ACACA: variants seen among roughly 807,000 people sequenced by gnomAD.
ACACA encodes acetyl-CoA carboxylase 1.
Under a neutral mutation model 296.1 loss-of-function variants are expected in ACACA, and 103 were observed. The observed-to-expected ratio is 0.35, with a 90% CI of 0.30 to 0.41. The LOEUF (loss-of-function observed/expected upper bound fraction) is 0.41, where lower values mean the gene tolerates loss of function less well. Among genes scored for constraint, ACACA ranks in the 10% least tolerant of loss-of-function variants. ACACA has a pLI of 1.00. For missense variants in ACACA, 1,554 were observed against 2,989.7 expected (o/e 0.52, Z 11.20); for synonymous variants, 953 against 1,038.6 (o/e 0.92, Z 1.58).
chr17:37,153,615 GA>G (rs1376086863), intron 43 of ACACA, among the ~76,000 whole-genome samples: 6 of 152,204 alleles, frequency 3.9e-5, no homozygotes, highest in African/African-American at 1.4e-4. Flanking sequence ...TCATTAGTAA[GA>G]AACTGTAATT....
intron 11 of ACACA, among the ~76,000 whole-genome samples, chr17:37,260,283 TATATATATATATA>T (rs1305439488): frequency 0.011 from 430 of 38,676 alleles, 8 homozygotes; most frequent in East Asian, 0.042. Flanking sequence ...TATATATATA[TATATATATATATA>T]TTTTTTTTTT....
intron 29 of ACACA, among the ~76,000 whole-genome samples, chr17:37,217,201 T>C (rs2079040340): frequency 2.1e-5 from 3 of 139,892 alleles, no homozygotes; most frequent in Admixed American, 7.8e-5. Context: ...GCAGAGGTTG[T>C]GTTGAGCCAA....
chr17:37,263,026 G>T (rs983054074), intron 11 of ACACA, among the ~76,000 whole-genome samples: 1 of 152,078 alleles, frequency 6.6e-6, no homozygotes, highest in Non-Finnish European at 1.5e-5. Flanking sequence ...CACCATGCCC[G>T]GCCAAGCCAC....
Position 37,259,236 on chromosome 17 carries a change from G to A in ACACA, c.1500+124C>T. The A allele has an allele frequency of 2.7e-6, 3 of 1,117,816 alleles. 1 individual carries two copies. The highest frequency in any genetic ancestry group is 2.5e-5 in the South Asian group (2 of 80,604). The allele number at this position is 1,117,816 out of a possible 1,614,324, so 69.2% of individuals were successfully genotyped here. On this transcript the variant is annotated intron_variant, in intron 12 of 55. Transcript: ENST00000616317. ...CATGCATAACACATACAGGGTGAAA[G>A]AGAAATGACCATTAGGTGTGACTCA...
intron 3 of ACACA, among the ~76,000 whole-genome samples, chr17:37,294,501 A>T (rs78526502): frequency 0.021 from 3,148 of 152,314 alleles, 115 homozygotes; most frequent in East Asian, 0.14. Flanking sequence ...ATCGCTTTTA[A>T]CTGGGAATCT....
At position 37,248,163 on chromosome 17, in the gene ACACA, G is replaced by A. The variant is rs964528789; in HGVS notation, c.2164-7C>T. On this transcript the variant is annotated splice_polypyrimidine_tract_variant and splice_region_variant and intron_variant, in intron 17 of 55. Coordinates refer to ENST00000616317, the MANE Select transcript of ACACA (RefSeq NM_198834.3). ...TGGGGGACTGTCGAGTCACCTGTAG[G>A]GAATGAGAATGAGGATCAGTGTGTC... 3.1e-6 allele frequency: 5 copies of A among 1,613,898 alleles called. No individual in the cohort carries two copies. Among genetic ancestry groups the A allele is most frequent in the Admixed American group, 3.3e-5 (2 of 60,002 alleles).
intron 11 of ACACA, among the ~76,000 whole-genome samples, chr17:37,260,292 ATATATT>A (rs1266057243): frequency 9.1e-4 from 15 of 16,482 alleles, no homozygotes; most frequent in East Asian, 5.0e-3. Context: ...ATATATATAT[ATATATT>A]TTTTTTTTTT....
chr17:37,130,204 T>C lies in ACACA; in HGVS notation c.5694A>G (p.Glu1898=), dbSNP rs1324060931. 6.2e-7 allele frequency: 1 copy of C among 1,613,760 alleles called. No individual in the cohort carries two copies. The highest frequency in any genetic ancestry group is 8.5e-7 in the Non-Finnish European group (1 of 1,179,810). Residue 1898 remains glutamate (E), a synonymous_variant, in exon 46 of 56, where the codon GAA becomes GAG. Transcript: ENST00000616317. ...AGALNKVLGR[E]VYTSNNQLGG... ...CCAGCTGGTTATTGGAGGTGTACAC[T>C]TCCCGCCCGAGGACCTAGAGAAAAG...
chr17:37,125,340 GA>G (rs2074728690), intron 48 of ACACA, among the ~76,000 whole-genome samples: 1 of 152,078 alleles, frequency 6.6e-6, no homozygotes, highest in East Asian at 1.9e-4. Flanking sequence ...ATGAGTCTCT[GA>G]ATCACTTGTC....
intron 30 of ACACA, among the ~76,000 whole-genome samples, chr17:37,208,401 T>C (rs2145415378): frequency 6.6e-6 from 1 of 152,330 alleles, no homozygotes; most frequent in African/African-American, 2.4e-5. Flanking sequence ...CTGAGGAATT[T>C]ACTTTCTCCT....
intron 3 of ACACA, among the ~76,000 whole-genome samples, chr17:37,328,167 G>C (rs1255122441): frequency 1.3e-5 from 2 of 152,178 alleles, no homozygotes; most frequent in Non-Finnish European, 2.9e-5. Flanking sequence ...GAGTAGAAAA[G>C]TTAGTGAAAT....
Position 37,122,600 on chromosome 17 carries a change from A to T in ACACA, c.6069T>A (p.Val2023=). 6.2e-7 allele frequency: 1 copy of T among 1,614,230 alleles called. No homozygotes were observed. The highest frequency in any genetic ancestry group is 1.3e-5 in the African/African-American group (1 of 75,064). ...GTTCTACTGTTCGGGTTTCTACAGC[A>T]ACAACTCCCACAGGTATTCCTCCTA... ...ARLGGIPVGV[V]AVETRTVELS... Residue 2023 remains valine (V), a synonymous_variant, in exon 49 of 56, where the codon GTT becomes GTA. Transcript: ENST00000616317.
At chr17:37,345,584 A>T (rs186262103) in intron 1 of ACACA, among the ~76,000 whole-genome samples, 22 of 152,308 alleles carry the variant, frequency 1.4e-4, no homozygotes, top group Middle Eastern at 3.4e-3. Context: ...CCTGTAGATT[A>T]AAAAAATGCA....
chr17:37,247,959 A>C, intron 18 of ACACA, 52 bp downstream of exon 18: 10 of 1,610,402 alleles, frequency 6.2e-6, no homozygotes, highest in African/African-American at 2.7e-5. Context: ...GTAGCTAATA[A>C]GAGAAAAGGC....
chr17:37,390,455 T>A (rs1326798749), intron 1 of ACACA, among the ~76,000 whole-genome samples: 2 of 144,774 alleles, frequency 1.4e-5, no homozygotes, highest in Non-Finnish European at 3.0e-5. Flanking sequence ...GGTGAAACCC[T>A]GTCTCTACTA....
intron 7 of ACACA, among the ~76,000 whole-genome samples, chr17:37,276,713 C>T (rs1287885943): frequency 6.6e-6 from 1 of 152,164 alleles, no homozygotes; most frequent in African/African-American, 2.4e-5. Flanking sequence ...TATCTAAAAA[C>T]AGGTCATTTT....
chr17:37,296,337 G>A (rs1165609149), intron 3 of ACACA, among the ~76,000 whole-genome samples: 3 of 126,234 alleles, frequency 2.4e-5, no homozygotes, highest in African/African-American at 3.1e-5. Flanking sequence ...ACAGAGTCTC[G>A]CTCTCTCTCC....
At chr17:37,174,016 A>ATTTTTTTT (rs1336673580) in intron 41 of ACACA, among the ~76,000 whole-genome samples, 3 of 15,032 alleles carry the variant, frequency 2.0e-4, no homozygotes, top group African/African-American at 8.4e-4. Flanking sequence ...ATATATATAT[A>ATTTTTTTT]TATATTTTTT....
intron 3 of ACACA, among the ~76,000 whole-genome samples, chr17:37,288,164 C>T (rs531200879): frequency 6.6e-6 from 1 of 152,218 alleles, no homozygotes; most frequent in African/African-American, 2.4e-5. Flanking sequence ...AAAAACAGTG[C>T]CAGTGTACAT....
Sources: allele counts gnomAD v4.1 joint callset (sites outside exome capture counted in the v4.1 genomes callset), GRCh38; gene constraint gnomAD v4.1.1; transcripts MANE v1.5; gene names NCBI Gene and HGNC (gene_info 2026-07-23, HGNC 2026-07-21).